Variants in PRKCH observed in about 807,000 individuals in gnomAD.
PRKCH encodes protein kinase C eta.
PRKCH carries 28 observed loss-of-function variants against 82.5 expected under a neutral mutation model. The observed-to-expected ratio is 0.34, with a 90% CI of 0.25 to 0.47. The LOEUF (loss-of-function observed/expected upper bound fraction) is 0.47, where lower values mean the gene tolerates loss of function less well. Ranked by LOEUF, PRKCH falls within the 20% of genes least tolerant of loss-of-function variation. PRKCH has a pLI of 1.00. For synonymous variants in PRKCH, 322 were observed against 327.4 expected, an observed-to-expected ratio of 0.98 and a Z score of 0.18; for missense variants, 705 against 881.8, an observed-to-expected ratio of 0.80 and a Z score of 2.54.
upstream of PRKCH, among the ~76,000 whole-genome samples, chr14:61,319,462 C>T (rs1424139345): frequency 1.3e-5 from 2 of 152,280 alleles, no homozygotes; most frequent in South Asian, 2.1e-4. Context: ...ATTGCCAATC[C>T]TGATAGGTAC....
chr14:61,479,731 G>A (rs905291912), intron 9 of PRKCH, among the ~76,000 whole-genome samples: 1 of 152,184 alleles, frequency 6.6e-6, no homozygotes, highest in Non-Finnish European at 1.5e-5. Flanking sequence ...CTTGGGCCTG[G>A]GGAAGGAATA....
chr14:61,372,631 C>T (rs1304751845), intron 1 of PRKCH, among the ~76,000 whole-genome samples: 1 of 151,924 alleles, frequency 6.6e-6, no homozygotes, highest in Non-Finnish European at 1.5e-5. Context: ...TTCATTTTGC[C>T]CTTAGATCTA....
intron 1 of PRKCH, among the ~76,000 whole-genome samples, chr14:61,229,100 A>G (rs1179762248): frequency 1.3e-5 from 2 of 152,270 alleles, no homozygotes; most frequent in East Asian, 3.9e-4. Context: ...TATTTAGATA[A>G]GAGAACATTC....
chr14:61,280,468 G>A lies in PRKCH; in HGVS notation c.-19+92800G>A. 1 of 1,613,480 alleles carries A rather than the reference G, an allele frequency of 6.2e-7. No homozygotes were observed. Among genetic ancestry groups the A allele is most frequent in the Non-Finnish European group, 8.5e-7 (1 of 1,179,736 alleles). The stretch of plus-strand genomic sequence containing the variant: ...CTCGTAGACTGGCCGGCGCCAGTTG[G>A]GCGGGGGCGCCGTGCCCTGGAAGGC... On this transcript the variant is annotated intron_variant, in intron 1 of 3. Coordinates refer to the PRKCH transcript ENST00000555185. The surrounding 1 kb of genome is among the most constrained non-coding windows in gnomAD (Gnocchi z 5.0).
At chr14:61,279,909 G>A (rs1201711269) in intron 1 of PRKCH, 4 of 603,766 alleles carry the variant, frequency 6.6e-6, no homozygotes, top group East Asian at 2.8e-5. Context: ...ATCCCTCCCC[G>A]CGGCAAGACA....
At chr14:61,447,864 C>A (rs185025649) in intron 4 of PRKCH, among the ~76,000 whole-genome samples, 1 of 152,056 alleles carries the variant, frequency 6.6e-6, no homozygotes, top group East Asian at 1.9e-4. Context: ...AACCAAGATT[C>A]GAAATTTCCA....
chr14:61,487,582 C>G (rs1039336640), intron 10 of PRKCH, among the ~76,000 whole-genome samples: 1 of 152,154 alleles, frequency 6.6e-6, no homozygotes, highest in African/African-American at 2.4e-5. Context: ...CTCCACTCCG[C>G]TTGCCCCGAA....
chr14:61,498,551 T>G (rs1488482970), intron 10 of PRKCH, among the ~76,000 whole-genome samples: 1 of 152,154 alleles, frequency 6.6e-6, no homozygotes, highest in African/African-American at 2.4e-5. Context: ...TGAACAGAAA[T>G]GTATTTCTCA....
chr14:61,413,999 A>G (rs77949043), intron 2 of PRKCH, among the ~76,000 whole-genome samples: 2 of 151,842 alleles, frequency 1.3e-5, no homozygotes, highest in African/African-American at 2.4e-5. Flanking sequence ...GACTTCTGCA[A>G]CTCTGAAGTC....
chr14:61,291,989 G>A (rs2045366832), intron 1 of PRKCH, among the ~76,000 whole-genome samples: 1 of 152,152 alleles, frequency 6.6e-6, no homozygotes, highest in South Asian at 2.1e-4. Context: ...ATAATGATCA[G>A]TGGTGAAATA....
intron 1 of PRKCH, among the ~76,000 whole-genome samples, chr14:61,238,273 T>C (rs932921818): frequency 6.6e-6 from 1 of 152,180 alleles, no homozygotes; most frequent in Admixed American, 6.5e-5. Flanking sequence ...TCTCCACCCC[T>C]GACCATTTTA....
intron 2 of PRKCH, among the ~76,000 whole-genome samples, chr14:61,431,198 C>T (rs1024110532): frequency 9.9e-5 from 15 of 152,088 alleles, no homozygotes; most frequent in Admixed American, 2.0e-4. Flanking sequence ...CTCAAATGAA[C>T]ATGTGCACAG....
chr14:61,530,913 A>C (rs755802328), intron 12 of PRKCH, among the ~76,000 whole-genome samples: 57 of 152,226 alleles, frequency 3.7e-4, no homozygotes, highest in Admixed American at 6.5e-4. Flanking sequence ...TCATACAGTC[A>C]GGCCACACCA....
intron 1 of PRKCH, among the ~76,000 whole-genome samples, chr14:61,273,524 A>G (rs2045176299): frequency 6.6e-6 from 1 of 152,244 alleles, no homozygotes; most frequent in Non-Finnish European, 1.5e-5. Context: ...ACATTCATTA[A>G]CATACTGGAG....
intron 1 of PRKCH, among the ~76,000 whole-genome samples, chr14:61,295,117 C>T (rs1003260713): frequency 2.0e-5 from 3 of 152,164 alleles, no homozygotes; most frequent in Non-Finnish European, 4.4e-5. Flanking sequence ...CCACCTGCCT[C>T]GACCTCCCAA....
intron 12 of PRKCH, among the ~76,000 whole-genome samples, chr14:61,534,383 T>C (rs2043081136): frequency 6.6e-6 from 1 of 152,226 alleles, no homozygotes; most frequent in Admixed American, 6.5e-5. Flanking sequence ...TTCATTTGGC[T>C]GCACAGGGCC....
intron 1 of PRKCH, among the ~76,000 whole-genome samples, chr14:61,197,040 A>G (rs2044446696): frequency 6.6e-6 from 1 of 152,026 alleles, no homozygotes; most frequent in Non-Finnish European, 1.5e-5. Flanking sequence ...GACATTCAAC[A>G]ACTTGCTCAG....
chr14:61,228,958 T>G (rs377553180), intron 1 of PRKCH, among the ~76,000 whole-genome samples: 1 of 151,990 alleles, frequency 6.6e-6, no homozygotes, highest in East Asian at 1.9e-4. Context: ...CAGTGGCTGG[T>G]GGGAATGTAA....
At chr14:61,394,083 G>A (rs2046730200) in intron 2 of PRKCH, among the ~76,000 whole-genome samples, 1 of 152,022 alleles carries the variant, frequency 6.6e-6, no homozygotes, top group South Asian at 2.1e-4. Flanking sequence ...TTTGGTATTG[G>A]CATTTTGCAA....
Sources: gnomAD v4.1 joint callset for allele counts (sites outside exome capture counted in the v4.1 genomes callset) on GRCh38, gnomAD v4.1.1 for gene constraint, Gnocchi (gnomAD v3.1) non-coding constraint, MANE v1.5 for transcripts, NCBI Gene and HGNC (gene_info 2026-07-23, HGNC 2026-07-21) for gene names.